Variants in SCN10A observed in about 807,000 individuals in gnomAD.
The protein encoded by SCN10A is sodium channel protein type 10 subunit alpha.
Under a neutral mutation model 170.7 loss-of-function variants are expected in SCN10A, and 162 were observed. The ratio of observed to expected loss-of-function variants is 0.95; its 90% CI spans 0.84 to 1.08. The LOEUF (loss-of-function observed/expected upper bound fraction) is 1.08, where lower values mean the gene tolerates loss of function less well. Ranked by LOEUF, SCN10A falls within the 50% of genes least tolerant of loss-of-function variation. The pLI is 0.00. For missense variants in SCN10A, 2,527 were observed against 2,436.9 expected, an observed-to-expected ratio of 1.04 and a Z score of -0.78; for synonymous variants, 985 against 904.6, an observed-to-expected ratio of 1.09 and a Z score of -1.59.
At chr3:38,807,712 TG>T (rs1250766053) in intron 1 of SCN10A, among the ~76,000 whole-genome samples, 1 of 152,184 alleles carries the variant, frequency 6.6e-6, no homozygotes, top group Non-Finnish European at 1.5e-5. Flanking sequence ...GTTCCAGACC[TG>T]ACTATCCACC....
In SCN10A at chr3:38,729,487, C is replaced by A. The variant is rs549324716; in HGVS notation, c.2281-586G>T. Among the ~76,000 whole-genome samples, 47 of 152,212 alleles carry A rather than the reference C, an allele frequency of 3.1e-4. No individual in the cohort carries two copies. In the South Asian group the frequency reaches 6.7e-3, roughly 22 times the overall value. On this transcript the variant is annotated intron_variant, in intron 15 of 27. Transcript: ENST00000449082. ...TTAATTGACCAACGAACCTACCCCC[C>A]AGAACTCCAGCCGTGCAGGTGCATG... is the stretch of plus-strand genomic sequence containing the variant.
chr3:38,740,244 AAG>A (rs2063616693), intron 14 of SCN10A, among the ~76,000 whole-genome samples: 5 of 152,350 alleles, frequency 3.3e-5, no homozygotes, highest in African/African-American at 1.2e-4. Flanking sequence ...CATTGCCTCT[AAG>A]ATTCTTTTAG....
chr3:38,784,069 G>C lies in SCN10A; in HGVS notation c.470+4887C>G, dbSNP rs536633848. Among the ~76,000 whole-genome samples, 18 of 152,088 alleles carry C rather than the reference G, an allele frequency of 1.2e-4. No individual in the cohort carries two copies. The East Asian group carries it at 3.3e-3, about 28-fold the overall frequency. On this transcript the variant is annotated intron_variant, in intron 4 of 27. Transcript: ENST00000449082. The stretch of plus-strand genomic sequence containing the variant: ...TGGTTGTTCTGACATTTTTCTAATT[G>C]ATTTGTAGAGTTCATTACTCTGAAT...
Position 38,712,025 on chromosome 3 carries a change from G to T in SCN10A, c.4089+136C>A, listed in dbSNP as rs180693528. The T allele has an allele frequency of 9.0e-5, 72 of 796,972 alleles. 1 individual carries two copies. The African/African-American group carries it at 1.2e-3, about 13-fold the overall frequency. 49.4% of individuals were successfully genotyped at this position (796,972 alleles called of 1,614,324 possible). The stretch of plus-strand genomic sequence containing the variant: ...TCTAGCCTCATGGTGTAGTCTGTAG[G>T]AATAGAGAATGACCTCAGTTCACAC... On this transcript the variant is annotated intron_variant, in intron 23 of 27. Transcript: ENST00000449082.
At chr3:38,769,373 G>T (rs1238832250) in intron 5 of SCN10A, among the ~76,000 whole-genome samples, 3 of 151,232 alleles carry the variant, frequency 2.0e-5, no homozygotes, top group Non-Finnish European at 4.4e-5. Context: ...TGAGTAGCTG[G>T]GATTACAGGC....
At chr3:38,815,868 T>C (rs1012722972) in intron 1 of SCN10A, among the ~76,000 whole-genome samples, 169 bp downstream of exon 1, 4 of 152,216 alleles carry the variant, frequency 2.6e-5, no homozygotes, top group South Asian at 4.1e-4. Flanking sequence ...TATAGATTAA[T>C]AGTATTTTTC....
At chr3:38,698,615 A>G in intron 27 of SCN10A, 53 bp from the exon 28 acceptor site, 2 of 1,550,630 alleles carry the variant, frequency 1.3e-6, no homozygotes, top group South Asian at 2.4e-5. Context: ...ATGAGACGTG[A>G]CAAAGTTGGC....
At chr3:38,802,774 G>A (rs892395827) in intron 1 of SCN10A, among the ~76,000 whole-genome samples, 11 of 152,066 alleles carry the variant, frequency 7.2e-5, no homozygotes, top group East Asian at 1.9e-4. Flanking sequence ...AAAAGCAATG[G>A]CAACAAAAGC....
intron 13 of SCN10A, among the ~76,000 whole-genome samples, chr3:38,744,644 G>T: frequency 6.6e-6 from 1 of 151,376 alleles, no homozygotes. Flanking sequence ...TCTTTCTTTT[G>T]TAGTTTCACT....
chr3:38,814,422 G>T (rs985971398), intron 1 of SCN10A, among the ~76,000 whole-genome samples: 3 of 152,098 alleles, frequency 2.0e-5, no homozygotes, highest in African/African-American at 7.2e-5. Flanking sequence ...AAAGCTGAAG[G>T]TCTTAAGAGC....
intron 21 of SCN10A, among the ~76,000 whole-genome samples, chr3:38,715,160 A>G (rs1370606487): frequency 6.6e-6 from 1 of 152,176 alleles, no homozygotes; most frequent in Admixed American, 6.5e-5. Flanking sequence ...GCATGAGGGT[A>G]GGGAGGTTTG....
intron 27 of SCN10A, among the ~76,000 whole-genome samples, chr3:38,700,449 C>A (rs2063144631): frequency 1.3e-5 from 2 of 152,004 alleles, no homozygotes; most frequent in Admixed American, 6.6e-5. Flanking sequence ...TTCCTAGCAC[C>A]CAATAAATAA....
At chr3:38,756,933 G>T in intron 9 of SCN10A, 62 bp from the exon 10 acceptor site, 1 of 1,607,414 alleles carries the variant, frequency 6.2e-7, no homozygotes, top group Non-Finnish European at 8.5e-7. Context: ...CTGAATTTAA[G>T]TCAGCCTCCT....
chr3:38,795,683 C>T (rs74675938), intron 1 of SCN10A, among the ~76,000 whole-genome samples: 17,690 of 152,128 alleles, frequency 0.12, 1,189 homozygotes, highest in Middle Eastern at 0.2. Context: ...TTCTCAGTCT[C>T]TCCTTTCTCA....
intron 5 of SCN10A, among the ~76,000 whole-genome samples, chr3:38,765,328 A>AT (rs1026284467): frequency 2.6e-5 from 4 of 152,098 alleles, no homozygotes; most frequent in African/African-American, 9.6e-5. Flanking sequence ...ATCTTCTAGA[A>AT]TTTTTTATAA....
At chr3:38,785,591 C>T (rs772121042) in intron 4 of SCN10A, among the ~76,000 whole-genome samples, 2 of 152,046 alleles carry the variant, frequency 1.3e-5, no homozygotes, top group Non-Finnish European at 2.9e-5. Context: ...TTATGACTAA[C>T]ACATCAAAAG....
At chr3:38,775,447 A>G (rs1442597859) in intron 4 of SCN10A, among the ~76,000 whole-genome samples, 1 of 152,212 alleles carries the variant, frequency 6.6e-6, no homozygotes, top group Non-Finnish European at 1.5e-5. Flanking sequence ...TTGTTTACAT[A>G]TATACTACAT....
Position 38,707,377 on chromosome 3 carries a change from C to G in SCN10A, c.4288G>C (p.Gly1430Arg). ...TCCTCTGTCATGAAGATGTCCTGGC[C>G]CCCTAAGTGCAGAGAGGGCCACACT... ...NFNQQKKKLGGQDIFMTEEQK... is the reference protein window; with the variant it reads ...NFNQQKKKLGRQDIFMTEEQK... Residue 1430 changes from glycine (G) to arginine (R), a missense_variant, in exon 26 of 28, where the codon GGC becomes CGC. Transcript: ENST00000449082. The G allele has an allele frequency of 1.2e-6, 2 of 1,614,016 alleles. No individual in the cohort carries two copies. Among genetic ancestry groups the G allele is most frequent in the Non-Finnish European group, 1.7e-6 (2 of 1,179,968 alleles).
chr3:38,716,055 T>C (rs1027563729), intron 21 of SCN10A, among the ~76,000 whole-genome samples: 1 of 152,182 alleles, frequency 6.6e-6, no homozygotes, highest in African/African-American at 2.4e-5. Flanking sequence ...ATTTAATGTA[T>C]AACATGAATA....
Sources: gnomAD v4.1 joint callset for allele counts (sites outside exome capture counted in the v4.1 genomes callset) on GRCh38, gnomAD v4.1.1 for gene constraint, MANE v1.5 for transcripts, NCBI Gene and HGNC (gene_info 2026-07-23, HGNC 2026-07-21) for gene names.